Variants in ANK2 observed in about 807,000 individuals in gnomAD.
ANK2 encodes the protein ankyrin-2.
In ANK2, 83 loss-of-function variants were observed where a neutral mutation model predicts 360.5. The ratio of observed to expected loss-of-function variants is 0.23; its 90% CI spans 0.19 to 0.28. The LOEUF (loss-of-function observed/expected upper bound fraction) is 0.28. Ranked by LOEUF, ANK2 falls within the 10% of genes least tolerant of loss-of-function variation. The pLI is 1.00. For synonymous variants in ANK2, 1,740 were observed against 1,759.5 expected (o/e 0.99, Z 0.28); for missense variants, 4,201 against 4,795.7 (o/e 0.88, Z 3.66).
intron 22 of ANK2, among the ~76,000 whole-genome samples, chr4:113,299,078 C>T (rs918308050): frequency 2.0e-5 from 3 of 152,260 alleles, no homozygotes; most frequent in Admixed American, 1.3e-4. Flanking sequence ...AATATGATCA[C>T]AGTGTATTAC....
chr4:112,764,338 C>T, the ANK2 span, among the ~76,000 whole-genome samples: 58 of 152,018 alleles, frequency 3.8e-4, no homozygotes, highest in African/African-American at 1.4e-3. Context: ...CTGATGCTCT[C>T]TGTATTTTTT....
intron 14 of ANK2, among the ~76,000 whole-genome samples, chr4:113,268,367 G>A (rs1027118422): frequency 5.9e-5 from 9 of 152,132 alleles, no homozygotes; most frequent in Admixed American, 5.2e-4. Flanking sequence ...TGCCCATTCA[G>A]TATGATATTG....
chr4:113,160,463 C>T (rs911442730), intron 1 of ANK2: 2 of 253,750 alleles, frequency 7.9e-6, no homozygotes, highest in South Asian at 3.4e-5. Context: ...AGGTTTGAAA[C>T]CAAGTGTTAA....
At chr4:112,956,924 C>A (rs539328445) in intron 2 of ANK2, among the ~76,000 whole-genome samples, 1 of 151,228 alleles carries the variant, frequency 6.6e-6, no homozygotes, top group Non-Finnish European at 1.5e-5. Flanking sequence ...TAGGCACTAC[C>A]TCTACTATGT....
intron 2 of ANK2, among the ~76,000 whole-genome samples, chr4:113,019,956 AT>A (rs1315118973): frequency 6.6e-6 from 1 of 152,062 alleles, no homozygotes; most frequent in South Asian, 2.1e-4. Context: ...AAGATTGGAT[AT>A]TGTTTATTAT....
chr4:113,312,898 T>G (rs2080852107), intron 24 of ANK2, among the ~76,000 whole-genome samples: 1 of 152,200 alleles, frequency 6.6e-6, no homozygotes, highest in South Asian at 2.1e-4. Context: ...AAGCAATTGT[T>G]CGTGTATTAA....
At chr4:113,171,366 G>A (rs889140554) in intron 1 of ANK2, among the ~76,000 whole-genome samples, 12 of 152,150 alleles carry the variant, frequency 7.9e-5, no homozygotes, top group Non-Finnish European at 1.6e-4. Flanking sequence ...TGTCTATGTG[G>A]AAGGGAGAGA....
At chr4:112,902,515 C>A (rs1480282373) in intron 1 of ANK2, among the ~76,000 whole-genome samples, 1 of 152,130 alleles carries the variant, frequency 6.6e-6, no homozygotes, top group African/African-American at 2.4e-5. Flanking sequence ...TTTTTGTGAA[C>A]CTCTTTTATT....
At chr4:113,258,624 G>T (rs2050834175) in intron 13 of ANK2, among the ~76,000 whole-genome samples, 1 of 152,168 alleles carries the variant, frequency 6.6e-6, no homozygotes. Flanking sequence ...TAAAATGGAA[G>T]CTATGAAGTG....
intron 5 of ANK2, among the ~76,000 whole-genome samples, chr4:113,233,434 C>T (rs1411654461): frequency 6.6e-6 from 1 of 152,070 alleles, no homozygotes; most frequent in East Asian, 1.9e-4. Flanking sequence ...CGCGCCCGGC[C>T]TTTTCTTATT....
intron 1 of ANK2, among the ~76,000 whole-genome samples, chr4:113,112,818 G>C (rs1256371855): frequency 6.6e-6 from 1 of 152,182 alleles, no homozygotes; most frequent in African/African-American, 2.4e-5. Flanking sequence ...ATTTGGAGCT[G>C]GAGTGTCCTT....
chr4:113,339,469 C>A, intron 32 of ANK2, 147 bp downstream of exon 32: 1 of 696,010 alleles, frequency 1.4e-6, no homozygotes, highest in Non-Finnish European at 2.5e-6. Context: ...ATATTTTAAA[C>A]TAGATCTGTC....
At chr4:112,891,312 A>C (rs751255855) in intron 1 of ANK2, among the ~76,000 whole-genome samples, 1 of 152,220 alleles carries the variant, frequency 6.6e-6, no homozygotes, top group Non-Finnish European at 1.5e-5. Flanking sequence ...CTTACAATAA[A>C]ATCTACAAAA....
At chr4:112,872,437 A>G (rs896402965) in intron 1 of ANK2, among the ~76,000 whole-genome samples, 13 of 151,782 alleles carry the variant, frequency 8.6e-5, no homozygotes, top group African/African-American at 2.9e-4. Flanking sequence ...TCCTGGGTTC[A>G]AGCGATTCTC....
Position 113,293,421 on chromosome 4 carries a change from T to C in ANK2, c.2377-19T>C. On this transcript the variant is annotated intron_variant, in intron 21 of 45. Transcript: ENST00000357077. ...CCTCTCTCTTATTTCTCACTCTCTC[T>C]CTTTCACTCTCTCTTCAGAATGGCA... 4 of 1,605,236 alleles carry C rather than the reference T, an allele frequency of 2.5e-6. No homozygotes were observed. Among genetic ancestry groups the C allele is most frequent in the Non-Finnish European group, 3.4e-6 (4 of 1,173,418 alleles).
At chr4:112,726,783 G>A in the ANK2 span, among the ~76,000 whole-genome samples, 48 of 149,988 alleles carry the variant, frequency 3.2e-4, no homozygotes, top group African/African-American at 1.1e-3. Context: ...CCTGGGAGGC[G>A]GAGCTTGCAG....
At chr4:113,027,961 T>C (rs1224342035) in intron 2 of ANK2, among the ~76,000 whole-genome samples, 1 of 152,104 alleles carries the variant, frequency 6.6e-6, no homozygotes, top group Non-Finnish European at 1.5e-5. Context: ...TGGTGTAAAA[T>C]GTGCATTCCC....
At position 113,006,836 on chromosome 4, in the gene ANK2, T is replaced by TATATCTCCTTACATTTGGTTTC. The variant is rs577231702; in HGVS notation, c.21+102324_21+102345dup. The stretch of plus-strand genomic sequence containing the variant: ...CTTATCCTGCCTCATGGTGGGGCAA[T>TATATCTCCTTACATTTGGTTTC]ATATCTCCTTACATTTGGTTTCAAA... On this transcript the variant is annotated intron_variant, in intron 2 of 30. Coordinates refer to the ANK2 transcript ENST00000503271. Among the ~76,000 whole-genome samples the TATATCTCCTTACATTTGGTTTC allele has an allele frequency of 4.6e-3, 706 of 152,288 alleles. 5 individuals are homozygous for TATATCTCCTTACATTTGGTTTC. Among genetic ancestry groups the TATATCTCCTTACATTTGGTTTC allele is most frequent in the Non-Finnish European group, 6.5e-3 (444 of 68,024 alleles).
At chr4:112,761,340 G>T in the ANK2 span, among the ~76,000 whole-genome samples, 2 of 152,026 alleles carry the variant, frequency 1.3e-5, no homozygotes, top group Non-Finnish European at 2.9e-5. Flanking sequence ...TAAAGTTCTC[G>T]CCTGGCACCG....
Sources: allele counts gnomAD v4.1 joint callset (sites outside exome capture counted in the v4.1 genomes callset), GRCh38; gene constraint gnomAD v4.1.1; transcripts MANE v1.5; gene names NCBI Gene and HGNC (gene_info 2026-07-23, HGNC 2026-07-21).